ZNF343: variants seen among roughly 807,000 people sequenced by gnomAD.
ZNF343 encodes the protein zinc finger protein 343.
In ZNF343, 11 loss-of-function variants were observed where a neutral mutation model predicts 13.8. The ratio of observed to expected loss-of-function variants is 0.80; its 90% confidence interval spans 0.50 to 1.32. The LOEUF (loss-of-function observed/expected upper bound fraction) is 1.32. Among genes scored for constraint, ZNF343 ranks in the 40% most tolerant of loss-of-function variants. The pLI is 0.00. For missense variants in ZNF343, 658 were observed against 714.2 expected (o/e 0.92, Z 0.90); for synonymous variants, 248 against 260.0 (o/e 0.95, Z 0.44).
At chr20:2,491,761 T>C (rs1483215941) in intron 5 of ZNF343, 1 of 152,234 alleles carries the variant, frequency 6.6e-6, no homozygotes, top group East Asian at 1.9e-4. Context: ...AAAACAGTTA[T>C]TGTTTGGCCC....
intron 1 of ZNF343, among the ~76,000 whole-genome samples, chr20:2,507,421 T>C (rs926459253): frequency 2.6e-5 from 4 of 152,218 alleles, no homozygotes; most frequent in African/African-American, 7.2e-5. Context: ...TATTACATAT[T>C]TATCCCTTTA....
At chr20:2,521,449 A>G (rs2085782012) in intron 1 of ZNF343, among the ~76,000 whole-genome samples, 1 of 152,146 alleles carries the variant, frequency 6.6e-6, no homozygotes. Context: ...AGAGAGGTAG[A>G]GATAGCCTGT....
intron 5 of ZNF343, among the ~76,000 whole-genome samples, chr20:2,490,899 T>C (rs140736930): frequency 1.0e-3 from 152 of 151,786 alleles, no homozygotes; most frequent in African/African-American, 3.5e-3. Context: ...ACAGAACGAG[T>C]CCGAAATGGA....
In ZNF343 at chr20:2,518,935, A is replaced by G. The variant is rs1273813112; in HGVS notation, c.-347+5520T>C. 6.6e-6 allele frequency among the ~76,000 whole-genome samples: 1 copy of G among 152,134 alleles called. No homozygotes were observed. Among genetic ancestry groups the G allele is most frequent in the Non-Finnish European group, 1.5e-5 (1 of 68,030 alleles). On this transcript the variant is annotated intron_variant, in intron 1 of 6. Coordinates refer to the ZNF343 transcript ENST00000358413. The surrounding 1 kb of genome is among the most constrained non-coding windows in gnomAD (Gnocchi z 4.6). ...AGTTCTCACAAGATCTGATGGTTTA[A>G]AAGTGTTTGGCAGTTCCCTGCCCCC...
At chr20:2,500,579 A>C (rs1243567389) in intron 2 of ZNF343, 77 bp downstream of exon 2, 3 of 152,320 alleles carry the variant, frequency 2.0e-5, no homozygotes, top group Non-Finnish European at 4.4e-5. Flanking sequence ...ACAAGATGTC[A>C]GACGGGCAAA....
At chr20:2,486,915 G>C (rs1389537393) in intron 5 of ZNF343, among the ~76,000 whole-genome samples, 1 of 152,172 alleles carries the variant, frequency 6.6e-6, no homozygotes, top group Non-Finnish European at 1.5e-5. Context: ...TAAAGAACCA[G>C]AGTAAATATT....
intron 1 of ZNF343, among the ~76,000 whole-genome samples, chr20:2,502,715 C>A (rs1297186269): frequency 1.3e-5 from 2 of 152,114 alleles, no homozygotes; most frequent in Non-Finnish European, 2.9e-5. Context: ...CCAAACTAAG[C>A]TTCGTAAGTG....
chr20:2,482,919 G>T lies in ZNF343; in HGVS notation c.*242C>A. 1.9e-6 allele frequency: 1 copy of T among 532,656 alleles called. No individual in the cohort carries two copies. Among genetic ancestry groups the T allele is most frequent in the Non-Finnish European group, 3.3e-6 (1 of 301,520 alleles). The allele number at this position is 532,656 out of a possible 1,614,324, so 33.0% of individuals were successfully genotyped here. On this transcript the variant is annotated 3_prime_UTR_variant, in exon 6 of 6. Transcript: ENST00000278772. ...CCCTACACATAAACTTCTCTCCTAA[G>T]TGTGTCCTTTTGTGCATGCTCAAGG...
rs2085245702 is a variant in ZNF343 at position 2,484,335 on chromosome 20, A to C, written c.626T>G (p.Met209Arg). 6.2e-7 allele frequency: 1 copy of C among 1,614,030 alleles called. No homozygotes were observed. Among genetic ancestry groups the C allele is most frequent in the South Asian group, 1.1e-5 (1 of 91,084 alleles). Residue 209 changes from methionine (M) to arginine (R), a missense_variant, in exon 6 of 6, where the codon ATG becomes AGG. Physicochemically the swap from Met to Arg is moderately conservative, Grantham distance 91. Transcript: ENST00000278772. The stretch of plus-strand genomic sequence containing the variant: ...TGAGCTGGGCTCTGTTTCTACCACC[A>C]TGTTGCCTTTTCTAGGACTTGCTGA... ...RQSASPRKGN[M>R]VVETEPSSAQ...
At chr20:2,516,828 G>T (rs569505457) in intron 1 of ZNF343, among the ~76,000 whole-genome samples, 1 of 152,050 alleles carries the variant, frequency 6.6e-6, no homozygotes, top group African/African-American at 2.4e-5. Flanking sequence ...TGAGGATAAA[G>T]GTCAGGCTCA....
chr20:2,510,956 G>T, upstream of ZNF343, among the ~76,000 whole-genome samples: 1 of 152,056 alleles, frequency 6.6e-6, no homozygotes, highest in East Asian at 1.9e-4. Context: ...GAGGAGTGTG[G>T]GTTCTCATTG....
chr20:2,496,732 G>GA (rs894290471), intron 2 of ZNF343, among the ~76,000 whole-genome samples: 2 of 151,004 alleles, frequency 1.3e-5, no homozygotes, highest in African/African-American at 2.4e-5. Flanking sequence ...GTTGTGAGAT[G>GA]AAAAAAAAAT....
intron 5 of ZNF343, among the ~76,000 whole-genome samples, chr20:2,489,752 GTCT>G (rs11467566): frequency 0.013 from 1,978 of 152,266 alleles, 50 homozygotes; most frequent in African/African-American, 0.044. Context: ...TTATTAAACT[GTCT>G]CCCCTGTGAA....
chr20:2,490,528 T>C (rs867848762), intron 5 of ZNF343, among the ~76,000 whole-genome samples: 4 of 148,212 alleles, frequency 2.7e-5, no homozygotes, highest in Admixed American at 6.7e-5. Context: ...TTTATGGGTC[T>C]TTTTTTTGGT....
intron 5 of ZNF343, among the ~76,000 whole-genome samples, chr20:2,485,843 G>A (rs1229046047): frequency 2.0e-5 from 3 of 152,196 alleles, no homozygotes; most frequent in Non-Finnish European, 4.4e-5. Flanking sequence ...AGCCGTATGT[G>A]CTCAAAGCTG....
At chr20:2,502,145 C>T (rs565740580) in intron 1 of ZNF343, among the ~76,000 whole-genome samples, 1 of 152,242 alleles carries the variant, frequency 6.6e-6, no homozygotes, top group East Asian at 1.9e-4. Context: ...AAAACCATGG[C>T]ACGAGAACTA....
chr20:2,493,484 C>G (rs774677879), intron 4 of ZNF343, 35 bp downstream of exon 4: 1 of 1,591,828 alleles, frequency 6.3e-7, no homozygotes, highest in Non-Finnish European at 8.6e-7. Context: ...TGAGCCAGCA[C>G]TTCAGGAAAA....
rs183165226 is a variant in ZNF343 at position 2,492,550 on chromosome 20, A to G, written c.304+149T>C. 4.8e-5 allele frequency: 41 copies of G among 852,678 alleles called. 2 individuals carry two copies. The Admixed American group carries it at 9.9e-4, about 21-fold the overall frequency. 52.8% of individuals were successfully genotyped at this position (852,678 alleles called of 1,614,324 possible). On this transcript the variant is annotated intron_variant, in intron 5 of 5. Transcript: ENST00000278772. The stretch of plus-strand genomic sequence containing the variant: ...CTTTTTGTTTGTTGTCTGTCTCCTT[A>G]CACTAGAAAGTAAGCCCCATGGAGG...
chr20:2,509,000 T>A (rs1440600345), upstream of ZNF343: 3 of 152,268 alleles, frequency 2.0e-5, no homozygotes, highest in Non-Finnish European at 4.4e-5. This position sits in a 1 kb window ranked among gnomAD's most constrained non-coding sequence, Gnocchi z 4.5. Context: ...CGTGCAACGG[T>A]TACTTTTCCA....
Sources: allele counts gnomAD v4.1 joint callset (sites outside exome capture counted in the v4.1 genomes callset), GRCh38; gene constraint gnomAD v4.1.1; non-coding constraint Gnocchi (gnomAD v3.1); transcripts MANE v1.5; gene names NCBI Gene and HGNC (gene_info 2026-07-23, HGNC 2026-07-21).